The following LNX1 variants were observed in gnomAD, a reference collection of about 807,000 sequenced individuals.
LNX1 encodes the protein ligand of numb-protein X 1.
LNX1 carries 54 observed loss-of-function variants against 68.4 expected under a neutral mutation model. The observed-to-expected ratio is 0.79, with a 90% CI of 0.63 to 0.99. The LOEUF is 0.99. Among genes scored for constraint, LNX1 ranks in the 50% least tolerant of loss-of-function variants. The pLI is 0.00. For missense variants in LNX1, 906 were observed against 926.4 expected, an observed-to-expected ratio of 0.98 and a Z score of 0.29; for synonymous variants, 336 against 350.0, an observed-to-expected ratio of 0.96 and a Z score of 0.45.
At chr4:53,652,018 T>TGAGAGAGAGA (rs1423382248) in intron 1 of LNX1, 38 of 102,444 alleles carry the variant, frequency 3.7e-4, no homozygotes, top group African/African-American at 1.5e-3. Flanking sequence ...GATGTGTGTG[T>TGAGAGAGAGA]GTGAGAGAGA....
rs5858213 is a variant in LNX1 at position 53,460,055 on chromosome 4, AAATT to A, written c.*848_*851del. On this transcript the variant is annotated 3_prime_UTR_variant, in exon 11 of 11. Transcript: ENST00000263925. ...GGCATCTGGGTGGCCTCTATGAAAT[AAATT>A]AATTAATTACCCATAGTGTAGTTTC... is the stretch of plus-strand genomic sequence containing the variant. The A allele has an allele frequency of 0.82, 160,853 of 197,250 alleles. 65,841 individuals carry two copies. The highest frequency in any genetic ancestry group is 0.85 in the Non-Finnish European group (81,199 of 95,444). 12.2% of individuals were successfully genotyped at this position (197,250 alleles called of 1,614,324 possible). A position where few individuals can be genotyped will look rare whatever the true frequency, so the allele number is the denominator to read the frequency against.
At chr4:53,493,632 A>G (rs1303845596) in intron 6 of LNX1, among the ~76,000 whole-genome samples, 3 of 152,218 alleles carry the variant, frequency 2.0e-5, no homozygotes, top group Non-Finnish European at 2.9e-5. Flanking sequence ...AGGCAAATTT[A>G]TTTGTGTTTA....
At chr4:53,631,217 G>A (rs1403194635) in intron 1 of LNX1, among the ~76,000 whole-genome samples, 1 of 152,144 alleles carries the variant, frequency 6.6e-6, no homozygotes, top group Admixed American at 6.5e-5. Flanking sequence ...GTGAAGGATC[G>A]GGAGTGGGGT....
At chr4:53,562,928 G>A (rs1730387185) in intron 2 of LNX1, among the ~76,000 whole-genome samples, 1 of 152,074 alleles carries the variant, frequency 6.6e-6, no homozygotes, top group Admixed American at 6.6e-5. Flanking sequence ...AATAAAATTT[G>A]GGCCTGGCAC....
At chr4:53,635,652 T>C (rs1171953370) in intron 1 of LNX1, among the ~76,000 whole-genome samples, 1 of 152,200 alleles carries the variant, frequency 6.6e-6, no homozygotes, top group African/African-American at 2.4e-5. Flanking sequence ...ATCAGTTTAA[T>C]GATTCTATGC....
intron 2 of LNX1, among the ~76,000 whole-genome samples, chr4:53,613,791 T>C (rs550214550): frequency 1.3e-5 from 2 of 152,222 alleles, no homozygotes; most frequent in Non-Finnish European, 2.9e-5. Context: ...GTCTTTATAA[T>C]AGAATGATTT....
Position 53,507,301 on chromosome 4 carries a change from T to C in LNX1, c.775+16A>G, listed in dbSNP as rs1452859797. 1.7e-5 allele frequency: 27 copies of C among 1,613,024 alleles called. No homozygotes were observed. Among genetic ancestry groups the C allele is most frequent in the Non-Finnish European group, 2.2e-5 (26 of 1,179,438 alleles). On this transcript the variant is annotated intron_variant, in intron 4 of 10. Transcript: ENST00000263925. ...CCCAGCCCATGTCCATCCAGCCTTA[T>C]GGGGAGTTCATTTACCTTCAGGGGC... is the stretch of plus-strand genomic sequence containing the variant.
upstream of LNX1, chr4:53,594,006 A>G (rs1732636105): frequency 6.8e-6 from 1 of 148,120 alleles, no homozygotes; most frequent in Non-Finnish European, 1.5e-5. Flanking sequence ...GGACACATTC[A>G]GCTTCTTACC....
chr4:53,582,131 C>T (rs1731874685), intron 1 of LNX1, among the ~76,000 whole-genome samples: 1 of 151,994 alleles, frequency 6.6e-6, no homozygotes, highest in Admixed American at 6.6e-5. Context: ...TGCAGCTCTG[C>T]TACCAACTAC....
intron 2 of LNX1, among the ~76,000 whole-genome samples, chr4:53,531,671 A>AAACT (rs1458946003): frequency 6.6e-6 from 1 of 152,248 alleles, no homozygotes; most frequent in Non-Finnish European, 1.5e-5. Context: ...ATAATCGTGT[A>AAACT]AACTGTGAAC....
intron 1 of LNX1, among the ~76,000 whole-genome samples, chr4:53,644,950 G>A (rs954941873): frequency 1.3e-5 from 2 of 152,164 alleles, no homozygotes; most frequent in Non-Finnish European, 2.9e-5. Context: ...CAGAGTGAGG[G>A]AGAAGTAGTA....
chr4:53,499,724 A>G (rs1437207306), intron 4 of LNX1, among the ~76,000 whole-genome samples: 1 of 152,200 alleles, frequency 6.6e-6, no homozygotes, highest in Non-Finnish European at 1.5e-5. Flanking sequence ...TCTGCTTTTC[A>G]GGCTTGGGGG....
At chr4:53,519,352 G>A (rs1490120377) in intron 2 of LNX1, among the ~76,000 whole-genome samples, 1 of 152,012 alleles carries the variant, frequency 6.6e-6, no homozygotes. Context: ...TCTCCCACTG[G>A]GTGGGGAGGT....
chr4:53,652,057 G>GAC (rs1553946966), intron 1 of LNX1: 102 of 147,050 alleles, frequency 6.9e-4, no homozygotes, highest in African/African-American at 2.5e-3. Context: ...GAGAGAGAGA[G>GAC]AGAGACAGAG....
At chr4:53,472,185 T>C (rs1002900398) in intron 9 of LNX1, among the ~76,000 whole-genome samples, 2 of 152,048 alleles carry the variant, frequency 1.3e-5, no homozygotes, top group Admixed American at 6.6e-5. Flanking sequence ...ATGTCCTTTG[T>C]AGGGACATGG....
At chr4:53,640,249 G>A (rs1486254075) in intron 1 of LNX1, among the ~76,000 whole-genome samples, 3 of 152,160 alleles carry the variant, frequency 2.0e-5, no homozygotes, top group Non-Finnish European at 4.4e-5. Flanking sequence ...AGGCGAGGAA[G>A]CACTGCCTAA....
At chr4:53,469,392 A>C (rs1387481394) in intron 9 of LNX1, among the ~76,000 whole-genome samples, 1 of 152,252 alleles carries the variant, frequency 6.6e-6, no homozygotes, top group Non-Finnish European at 1.5e-5. Flanking sequence ...AAAGCAGGAA[A>C]GATCTAAAAT....
chr4:53,548,120 T>TG (rs1729237033), intron 2 of LNX1, among the ~76,000 whole-genome samples: 2 of 93,956 alleles, frequency 2.1e-5, no homozygotes, highest in African/African-American at 1.0e-4. Flanking sequence ...GAGTGATGGT[T>TG]GAAAAAAAAA....
chr4:53,544,057 A>C (rs1040084), intron 2 of LNX1, among the ~76,000 whole-genome samples: 1 of 152,072 alleles, frequency 6.6e-6, no homozygotes, highest in Non-Finnish European at 1.5e-5. Context: ...CTTCACCTTC[A>C]CTGTCCTATT....
Sources: gnomAD v4.1 joint callset for allele counts (sites outside exome capture counted in the v4.1 genomes callset) on GRCh38, gnomAD v4.1.1 for gene constraint, MANE v1.5 for transcripts, NCBI Gene and HGNC (gene_info 2026-07-23, HGNC 2026-07-21) for gene names.